Variants in SLF1 observed in about 807,000 individuals in gnomAD.
SLF1 encodes the protein SMC5-SMC6 complex localization factor protein 1.
A neutral mutation model predicts 123.0 loss-of-function variants in SLF1; 105 were observed. That is an observed-to-expected ratio of 0.85 (90% CI 0.73 to 1.00). The LOEUF (loss-of-function observed/expected upper bound fraction) is 1.00. Ranked by LOEUF, SLF1 falls within the 50% of genes least tolerant of loss-of-function variation. The pLI, the probability that SLF1 is intolerant of heterozygous loss-of-function variation, is 0.00. For synonymous variants in SLF1, 434 were observed against 406.6 expected (o/e 1.07, Z -0.81); for missense variants, 1,239 against 1,223.0 (o/e 1.01, Z -0.20).
intron 1 of SLF1, 120 bp from the exon 2 acceptor site, chr5:94,628,691 C>T (rs1561420142): frequency 1.8e-6 from 1 of 545,620 alleles, no homozygotes; most frequent in Non-Finnish European, 3.1e-6. Context: ...TGCCTAACAT[C>T]TTTAATTCAT....
chr5:94,686,935 C>T (rs752723074), intron 16 of SLF1, among the ~76,000 whole-genome samples: 3 of 152,116 alleles, frequency 2.0e-5, no homozygotes, highest in Non-Finnish European at 2.9e-5. Context: ...TACAGGCGCC[C>T]ACCACCATAC....
At chr5:94,656,114 A>G (rs114776915) in intron 9 of SLF1, among the ~76,000 whole-genome samples, 78 of 152,116 alleles carry the variant, frequency 5.1e-4, no homozygotes, top group South Asian at 3.5e-3. Flanking sequence ...ATGTTGAAGT[A>G]CTTCTGTGCC....
intron 14 of SLF1, among the ~76,000 whole-genome samples, chr5:94,671,822 A>G (rs1260125305): frequency 6.6e-6 from 1 of 150,748 alleles, no homozygotes; most frequent in Non-Finnish European, 1.5e-5. Context: ...AGTATTTTCT[A>G]TTGTTAATTT....
chr5:94,637,679 G>A (rs1745971792), intron 4 of SLF1, among the ~76,000 whole-genome samples: 1 of 152,052 alleles, frequency 6.6e-6, no homozygotes, highest in South Asian at 2.1e-4. Flanking sequence ...TCTGAGTGTG[G>A]CAGAACTAGC....
chr5:94,660,255 G>A (rs1228845701), intron 9 of SLF1, among the ~76,000 whole-genome samples: 12 of 152,156 alleles, frequency 7.9e-5, no homozygotes, highest in Admixed American at 2.0e-4. Flanking sequence ...CTGCATGCAG[G>A]TCTAATCTGT....
At chr5:94,667,320 G>A in intron 12 of SLF1, among the ~76,000 whole-genome samples, 1 of 152,186 alleles carries the variant, frequency 6.6e-6, no homozygotes, top group East Asian at 1.9e-4. Context: ...TATGATGTGA[G>A]AAAATAGAGT....
intron 8 of SLF1, among the ~76,000 whole-genome samples, chr5:94,653,973 C>G (rs1486431721): frequency 6.6e-6 from 1 of 151,900 alleles, no homozygotes; most frequent in African/African-American, 2.4e-5. Context: ...AGTTGGAGAC[C>G]AGACTGGGCA....
rs186392781 is a variant in SLF1 at position 94,643,190 on chromosome 5, C to T, written c.432-83C>T. 1.4e-4 allele frequency: 160 copies of T among 1,138,612 alleles called. 1 individual carries two copies. The African/African-American group carries it at 2.2e-3, about 15-fold the overall frequency. The allele number at this position is 1,138,612 out of a possible 1,614,324, so 70.5% of individuals were successfully genotyped here. ...CCTATTAGAAAAGTCCATTCGTACTCCTAAGAAATAATTAATTTAGATAAT... is the reference window on the plus strand; with the variant it reads ...CCTATTAGAAAAGTCCATTCGTACTTCTAAGAAATAATTAATTTAGATAAT... On this transcript the variant is annotated intron_variant, in intron 4 of 20. Coordinates refer to ENST00000265140, the MANE Select transcript of SLF1 (RefSeq NM_032290.4).
intron 4 of SLF1, among the ~76,000 whole-genome samples, chr5:94,641,190 A>AC (rs539170765): frequency 5.7e-4 from 24 of 42,126 alleles, no homozygotes; most frequent in East Asian, 2.4e-3. Flanking sequence ...CGCCCGCCCC[A>AC]CCCCCCCACA....
chr5:94,623,882 A>G (rs1054442584), intron 1 of SLF1, among the ~76,000 whole-genome samples: 1 of 152,194 alleles, frequency 6.6e-6, no homozygotes, highest in Admixed American at 6.5e-5. Context: ...ATACATGTTT[A>G]TATCTATTCC....
chr5:94,646,986 G>A (rs558726450), intron 5 of SLF1, among the ~76,000 whole-genome samples: 1 of 152,154 alleles, frequency 6.6e-6, no homozygotes, highest in Admixed American at 6.5e-5. Context: ...TCCATTTACT[G>A]TTTGGGATAA....
At chr5:94,647,933 G>A (rs1425825795) in intron 5 of SLF1, among the ~76,000 whole-genome samples, 1 of 152,118 alleles carries the variant, frequency 6.6e-6, no homozygotes, top group African/African-American at 2.4e-5. Context: ...ATCTGAAATG[G>A]ACACATAAGT....
Position 94,629,111 on chromosome 5 carries a change from A to T in SLF1, c.134A>T (p.His45Leu), listed in dbSNP as rs762028689. ...CTCCAGAAATACAAAAATTGTACAC[A>T]TCTTATAGCTGAACGCCTATGTAAG... ...IKSEKYKNCT[H>L]LIAERLCKSE... The change falls in exon 3 of 21, where the codon CAT (histidine) becomes CTT (leucine). Residue 45 changes from histidine to leucine, a missense_variant. Transcript: ENST00000265140. The T allele has an allele frequency of 1.9e-5, 29 of 1,544,878 alleles. 1 individual carries two copies. The South Asian group carries it at 3.5e-4, about 19-fold the overall frequency.
At position 94,651,717 on chromosome 5, in the gene SLF1, C is replaced by T; in HGVS notation, c.754C>T (p.His252Tyr). The T allele has an allele frequency of 6.6e-7, 1 of 1,521,242 alleles. No individual in the cohort carries two copies. The highest frequency in any genetic ancestry group is 8.8e-7 in the Non-Finnish European group (1 of 1,135,542). 94.2% of individuals were successfully genotyped at this position (1,521,242 alleles called of 1,614,324 possible). Residue 252 changes from histidine (H) to tyrosine (Y), a missense_variant, in exon 7 of 21, where the codon CAT (histidine) becomes TAT (tyrosine). By Grantham distance (83) the His-to-Tyr change is moderately conservative (BLOSUM62 2). Transcript: ENST00000265140. ...AAACACGCAGAAAGAAATGCAAAAT[C>T]ATGAAGATGTTAATGTTGGTTCTAT... Reference protein sequence around the residue: ...MYRTQKEMQNHEDVNVGSILI... With the variant: ...MYRTQKEMQNYEDVNVGSILI...
chr5:94,639,037 C>CTTTTTTTTTTT lies in SLF1; in HGVS notation c.432-4225_432-4215dup, dbSNP rs764031689. On this transcript the variant is annotated intron_variant, in intron 4 of 20. Transcript: ENST00000265140. The stretch of plus-strand genomic sequence containing the variant: ...TTTCTCATCTCTTTTCTTTTCTTCC[C>CTTTTTTTTTTT]TTTTTTTTTTTTTTTTTTTTTGAGA... 1.8e-3 allele frequency among the ~76,000 whole-genome samples: 157 copies of CTTTTTTTTTTT among 88,956 alleles called. 6 individuals carry two copies. Among genetic ancestry groups the CTTTTTTTTTTT allele is most frequent in the Non-Finnish European group, 2.0e-3 (95 of 48,174 alleles). The allele number at this position is 88,956 out of a possible 152,430, so 58.4% of individuals were successfully genotyped here.
Position 94,653,432 on chromosome 5 carries a change from T to G in SLF1, c.1032+11T>G. The G allele has an allele frequency of 6.8e-7, 1 of 1,480,890 alleles. No homozygotes were observed. Among genetic ancestry groups the G allele is most frequent in the Non-Finnish European group, 8.9e-7 (1 of 1,122,242 alleles). The allele number at this position is 1,480,890 out of a possible 1,614,324, so 91.7% of individuals were successfully genotyped here. A position where few individuals can be genotyped will look rare whatever the true frequency, so the allele number is the denominator to read the frequency against. On this transcript the variant is annotated intron_variant, in intron 8 of 20. Coordinates refer to ENST00000265140, the MANE Select transcript of SLF1 (RefSeq NM_032290.4). ...TATAATAGAGATCAGGTAAAGTTTG[T>G]AAGCTAAGCTATAGCTTTCTTTTTT...
chr5:94,622,153 G>T (rs2152461363), intron 1 of SLF1, among the ~76,000 whole-genome samples: 1 of 152,320 alleles, frequency 6.6e-6, no homozygotes, highest in African/African-American at 2.4e-5. Context: ...TTCAAACAGA[G>T]ATCCAACACT....
In SLF1 at chr5:94,624,915, G is replaced by A. The variant is rs574497938; in HGVS notation, c.1-3896G>A. 2.3e-3 allele frequency among the ~76,000 whole-genome samples: 354 copies of A among 151,820 alleles called. 2 individuals are homozygous for A. The highest frequency in any genetic ancestry group is 7.8e-3 in the African/African-American group (324 of 41,372). ...AACTCTTGTATTCCTCGGCTGGGTGGGTGGCTCATGCCTGTAATCCCAGCG... is the reference window on the plus strand; with the variant it reads ...AACTCTTGTATTCCTCGGCTGGGTGAGTGGCTCATGCCTGTAATCCCAGCG... On this transcript the variant is annotated intron_variant, in intron 1 of 20. Transcript: ENST00000265140.
intron 4 of SLF1, 84 bp downstream of exon 4, chr5:94,630,827 AT>A: frequency 7.0e-7 from 1 of 1,427,708 alleles, no homozygotes; most frequent in Non-Finnish European, 9.4e-7. Context: ...TTTTTTTGCA[AT>A]TATTAGCCCA....
Sources: gnomAD v4.1 joint callset for allele counts (sites outside exome capture counted in the v4.1 genomes callset) on GRCh38, gnomAD v4.1.1 for gene constraint, MANE v1.5 for transcripts, NCBI Gene and HGNC (gene_info 2026-07-23, HGNC 2026-07-21) for gene names.